The following MAML2 variants were observed in gnomAD, a reference collection of about 807,000 sequenced individuals.
MAML2 encodes the protein mastermind-like protein 2.
A neutral mutation model predicts 96.1 loss-of-function variants in MAML2; 22 were observed. The ratio of observed to expected loss-of-function variants is 0.23; its 90% CI spans 0.16 to 0.33. The LOEUF is 0.33. Ranked by LOEUF, MAML2 falls within the 10% of genes least tolerant of loss-of-function variation. The pLI is 1.00. For missense variants in MAML2, 1,367 were observed against 1,392.4 expected (o/e 0.98, Z 0.29); for synonymous variants, 561 against 521.3 (o/e 1.08, Z -1.04).
At chr11:96,247,562 C>CCCACTG (rs1297918853) in intron 1 of MAML2, among the ~76,000 whole-genome samples, 6 of 152,266 alleles carry the variant, frequency 3.9e-5, no homozygotes, top group African/African-American at 7.2e-5. Context: ...TTTGCAGACG[C>CCCACTG]CCACTGCCAC....
intron 1 of MAML2, among the ~76,000 whole-genome samples, chr11:96,107,145 C>T (rs7342228): frequency 0.012 from 1,765 of 152,036 alleles, 41 homozygotes; most frequent in African/African-American, 0.041. Context: ...TGGCTTGTAA[C>T]TGTTATTATG....
rs1863761580 is a variant in MAML2 at position 96,325,397 on chromosome 11, CA to C, written c.513+15985del. Reference sequence around the variant, plus strand: ...TTTAAACTGAAATAATGAAATAACACACTCCATAAACTGCAAATTTGCTATT... The same window carrying C: ...TTTAAACTGAAATAATGAAATAACACCTCCATAAACTGCAAATTTGCTATT... On this transcript the variant is annotated intron_variant, in intron 1 of 4. Coordinates refer to ENST00000524717, the MANE Select transcript of MAML2 (RefSeq NM_032427.4). 2.0e-5 allele frequency among the ~76,000 whole-genome samples: 3 copies of C among 152,124 alleles called. No individual in the cohort carries two copies. The South Asian group carries it at 6.2e-4, about 32-fold the overall frequency.
chr11:96,321,713 C>A (rs140796813), intron 1 of MAML2, among the ~76,000 whole-genome samples: 1 of 152,184 alleles, frequency 6.6e-6, no homozygotes, highest in Non-Finnish European at 1.5e-5. Context: ...TACTAGACTG[C>A]CTTCTTTGAG....
chr11:96,341,544 C>T lies in MAML2; in HGVS notation c.352G>A (p.Ala118Thr). ...PPAAPPAASQ[A>T]AATAAPPPPP... is the part of the protein sequence containing the mutation. ...GGCGGTGGGGCTGCTGTTGCTGCTG[C>T]TTGGGAGGCCGCAGGAGGGGCAGCA... is the stretch of plus-strand genomic sequence containing the variant. The change falls in exon 1 of 5, where the codon GCA becomes ACA. Residue 118 changes from alanine to threonine, a missense_variant. Coordinates refer to ENST00000524717, the MANE Select transcript of MAML2 (RefSeq NM_032427.4). 6.5e-7 allele frequency: 1 copy of T among 1,546,676 alleles called. No individual in the cohort carries two copies. The highest frequency in any genetic ancestry group is 8.7e-7 in the Non-Finnish European group (1 of 1,145,046).
intron 2 of MAML2, among the ~76,000 whole-genome samples, chr11:96,024,291 T>C (rs1858482061): frequency 6.6e-6 from 1 of 152,256 alleles, no homozygotes; most frequent in Non-Finnish European, 1.5e-5. Context: ...AACTTCCTAA[T>C]TGTGCAATCT....
intron 2 of MAML2, among the ~76,000 whole-genome samples, chr11:96,016,692 A>T (rs1858357623): frequency 6.6e-6 from 1 of 152,154 alleles, no homozygotes; most frequent in African/African-American, 2.4e-5. Context: ...AAATATGCAG[A>T]TTGCCCTTCT....
intron 2 of MAML2, among the ~76,000 whole-genome samples, chr11:96,034,894 A>G (rs1858687533): frequency 6.6e-6 from 1 of 152,144 alleles, no homozygotes; most frequent in South Asian, 2.1e-4. Context: ...CATTGTAACC[A>G]TATGGTTTTC....
intron 1 of MAML2, among the ~76,000 whole-genome samples, chr11:96,243,587 A>T (rs1391789562): frequency 6.6e-6 from 1 of 152,044 alleles, no homozygotes; most frequent in Non-Finnish European, 1.5e-5. Flanking sequence ...ACCTCCAAGA[A>T]GGAAGACCCA....
At chr11:96,280,494 G>A (rs1383043055) in intron 1 of MAML2, among the ~76,000 whole-genome samples, 1 of 151,894 alleles carries the variant, frequency 6.6e-6, no homozygotes, top group African/African-American at 2.4e-5. Context: ...ATTCTGTTTT[G>A]TTTGTTCCAT....
At chr11:96,231,845 A>G (rs1031190848) in intron 1 of MAML2, among the ~76,000 whole-genome samples, 1 of 152,094 alleles carries the variant, frequency 6.6e-6, no homozygotes, top group Non-Finnish European at 1.5e-5. Context: ...TATGTCACCA[A>G]TCTTCTTGTT....
chr11:96,217,195 T>A (rs491680), intron 1 of MAML2, among the ~76,000 whole-genome samples: 129,052 of 152,284 alleles, frequency 0.85, 55,006 homozygotes, highest in African/African-American at 0.93. Flanking sequence ...TGATCAATTT[T>A]TACTAGCTCC....
rs146388853 is a variant in MAML2, at chr11:95,980,965, A to G, written c.2456-1002T>C. Among the ~76,000 whole-genome samples the G allele has an allele frequency of 2.5e-3, 379 of 152,260 alleles. 2 individuals are homozygous for G. Among genetic ancestry groups the G allele is most frequent in the Non-Finnish European group, 4.2e-3 (289 of 68,028 alleles). ...GACCGCTTCCGACTGACTCTTTCTG[A>G]ATAATGCCCACCTGTGCACTGGGAA... is the stretch of plus-strand genomic sequence containing the variant. On this transcript the variant is annotated intron_variant, in intron 4 of 4. Coordinates refer to ENST00000524717, the MANE Select transcript of MAML2 (RefSeq NM_032427.4).
At chr11:96,281,382 T>G (rs1420300896) in intron 1 of MAML2, among the ~76,000 whole-genome samples, 1 of 151,900 alleles carries the variant, frequency 6.6e-6, no homozygotes, top group Non-Finnish European at 1.5e-5. Context: ...ATATTTCTGT[T>G]GGGGTCCAGG....
intron 2 of MAML2, among the ~76,000 whole-genome samples, chr11:95,996,344 G>A (rs2135713739): frequency 6.6e-6 from 1 of 152,220 alleles, no homozygotes. Context: ...ATTTATAAAA[G>A]ATCTGCATGC....
At chr11:96,053,376 C>T (rs1392270990) in intron 2 of MAML2, among the ~76,000 whole-genome samples, 1 of 152,092 alleles carries the variant, frequency 6.6e-6, no homozygotes, top group Admixed American at 6.5e-5. Flanking sequence ...TATAAATAAA[C>T]ACAAAAGAAA....
rs56860340 is a variant in MAML2 at position 96,155,509 on chromosome 11, A to AATATATATATATAT, written c.514-62006_514-61993dup. On this transcript the variant is annotated intron_variant, in intron 1 of 4. Coordinates refer to ENST00000524717, the MANE Select transcript of MAML2 (RefSeq NM_032427.4). ...ACCTCATGGGCGCTGTAACAATTCA[A>AATATATATATATAT]ATATATATATATATATATATATATA... Among the ~76,000 whole-genome samples the AATATATATATATAT allele has an allele frequency of 8.0e-3, 594 of 74,584 alleles. 38 individuals are homozygous for AATATATATATATAT. Among genetic ancestry groups the AATATATATATATAT allele is most frequent in the Non-Finnish European group, 8.4e-3 (337 of 39,920 alleles). The allele number at this position is 74,584 out of a possible 152,430, so 48.9% of individuals were successfully genotyped here.
intron 2 of MAML2, among the ~76,000 whole-genome samples, chr11:96,002,729 G>A (rs1409380830): frequency 7.0e-6 from 1 of 142,516 alleles, no homozygotes; most frequent in Non-Finnish European, 1.5e-5. Context: ...GATGGGGGAT[G>A]ATAAGAAAGA....
intron 1 of MAML2, among the ~76,000 whole-genome samples, chr11:96,282,181 G>A (rs766806474): frequency 7.3e-5 from 11 of 151,468 alleles, no homozygotes; most frequent in Non-Finnish European, 1.3e-4. Context: ...CCCGGGAGAC[G>A]GAGCTTTTAG....
chr11:96,165,808 TTA>T (rs1861180244), intron 1 of MAML2, among the ~76,000 whole-genome samples: 1 of 152,236 alleles, frequency 6.6e-6, no homozygotes, highest in Non-Finnish European at 1.5e-5. Context: ...ATTACCAATT[TTA>T]AAAGAGAAAA....
Sources: allele counts gnomAD v4.1 joint callset (sites outside exome capture counted in the v4.1 genomes callset), GRCh38; gene constraint gnomAD v4.1.1; transcripts MANE v1.5; gene names NCBI Gene and HGNC (gene_info 2026-07-23, HGNC 2026-07-21).